The following CCDC149 variants were observed in gnomAD, a reference collection of about 807,000 sequenced individuals.
CCDC149 encodes coiled-coil domain containing 149, also known as coiled-coil domain-containing protein 149.
A neutral mutation model predicts 59.9 loss-of-function variants in CCDC149; 45 were observed. The observed-to-expected ratio is 0.75, with a 90% CI of 0.59 to 0.96. The LOEUF is 0.96. Among genes scored for constraint, CCDC149 ranks in the 40% least tolerant of loss-of-function variants. The pLI, the probability that CCDC149 is intolerant of heterozygous loss-of-function variation, is 0.00. For synonymous variants in CCDC149, 245 were observed against 260.6 expected (o/e 0.94, Z 0.58); for missense variants, 584 against 664.7 (o/e 0.88, Z 1.33).
chr4:24,924,560 G>A (rs548697503), intron 1 of CCDC149, among the ~76,000 whole-genome samples: 15 of 152,154 alleles, frequency 9.9e-5, no homozygotes, highest in Non-Finnish European at 1.9e-4. Context: ...TACTTTGGGA[G>A]GACCCAAAGA....
intron 3 of CCDC149, among the ~76,000 whole-genome samples, chr4:24,867,146 T>A (rs1718752555): frequency 6.6e-6 from 1 of 152,128 alleles, no homozygotes; most frequent in Non-Finnish European, 1.5e-5. Flanking sequence ...CAGGAAAAAT[T>A]AAAAATATCC....
At chr4:24,856,503 C>T (rs1237619030) in intron 3 of CCDC149, among the ~76,000 whole-genome samples, 1 of 152,152 alleles carries the variant, frequency 6.6e-6, no homozygotes, top group Non-Finnish European at 1.5e-5. Context: ...ACATTTACAT[C>T]AAGACTTGAA....
At chr4:24,942,734 G>A (rs1722987436) in intron 1 of CCDC149, among the ~76,000 whole-genome samples, 3 of 152,264 alleles carry the variant, frequency 2.0e-5, no homozygotes, top group Admixed American at 6.5e-5. Context: ...AAAATCAAAA[G>A]CATTCTTATA....
chr4:24,956,807 C>A (rs1233580917), intron 1 of CCDC149, among the ~76,000 whole-genome samples: 1 of 152,208 alleles, frequency 6.6e-6, no homozygotes, highest in Non-Finnish European at 1.5e-5. Flanking sequence ...TGGCGGGTCT[C>A]TTTGGGTTCT....
At position 24,839,071 on chromosome 4, in the gene CCDC149, G is replaced by GAA. The variant is rs1407632440; in HGVS notation, c.373-800_373-799insTT. On this transcript the variant is annotated intron_variant, in intron 4 of 12. Transcript: ENST00000635206. ...ACACACACACACACACAGAGAGAGA[G>GAA]AGAGAAAGAGAGAGAGAGAAAGAGA... 2.3e-4 allele frequency among the ~76,000 whole-genome samples: 35 copies of GAA among 149,010 alleles called. 1 individual carries two copies. The highest frequency in any genetic ancestry group is 3.4e-3 in the Middle Eastern group (1 of 294).
chr4:24,825,049 A>C (rs1365895474), intron 9 of CCDC149, among the ~76,000 whole-genome samples: 4 of 152,206 alleles, frequency 2.6e-5, no homozygotes, highest in African/African-American at 9.6e-5. Flanking sequence ...ACATTTTAGC[A>C]GCCAGCAGCA....
intron 1 of CCDC149, among the ~76,000 whole-genome samples, chr4:24,939,760 G>C (rs1722899127): frequency 6.6e-6 from 1 of 152,194 alleles, no homozygotes; most frequent in Non-Finnish European, 1.5e-5. Flanking sequence ...ACAAGCCTCA[G>C]TAACCGATGC....
chr4:24,869,002 C>T (rs1006297204), intron 3 of CCDC149, among the ~76,000 whole-genome samples: 19 of 152,226 alleles, frequency 1.2e-4, no homozygotes, highest in Admixed American at 1.1e-3. Flanking sequence ...TCATCTACAG[C>T]AAAATGTCCA....
chr4:24,935,960 T>C (rs181071981), intron 1 of CCDC149, among the ~76,000 whole-genome samples: 5 of 152,210 alleles, frequency 3.3e-5, no homozygotes, highest in Admixed American at 6.5e-5. Flanking sequence ...GGTCAGTGAG[T>C]AAGCAGAAGT....
intron 4 of CCDC149, among the ~76,000 whole-genome samples, chr4:24,849,414 G>C (rs1717515844): frequency 6.6e-6 from 1 of 152,220 alleles, no homozygotes; most frequent in Non-Finnish European, 1.5e-5. Flanking sequence ...TGGCTTGGAA[G>C]TTTGTGTTAG....
intron 1 of CCDC149, among the ~76,000 whole-genome samples, chr4:24,887,698 C>T (rs191976140): frequency 6.6e-6 from 1 of 152,194 alleles, no homozygotes; most frequent in East Asian, 1.9e-4. Context: ...TTTGCTCTGC[C>T]CTGTGATCTC....
intron 1 of CCDC149, among the ~76,000 whole-genome samples, chr4:24,893,613 C>CTTTTTTTTTT (rs3066508): frequency 0.072 from 4,727 of 65,834 alleles, 1,329 homozygotes; most frequent in Non-Finnish European, 0.079. Context: ...AAAATACAGA[C>CTTTTTTTTTT]TTTTTTTTTT....
Position 24,874,263 on chromosome 4 carries a change from TTG to T in CCDC149, c.226-546_226-545del, listed in dbSNP as rs1560230582. ...AGATTTGTTTTTTTTTTTTTTTGTT[TTG>T]TTTTTTTTTGTTTTTTTGCCTTAAA... is the stretch of plus-strand genomic sequence containing the variant. On this transcript the variant is annotated intron_variant, in intron 2 of 12. Coordinates refer to ENST00000635206, the MANE Select transcript of CCDC149 (RefSeq NM_001330643.2). Among the ~76,000 whole-genome samples, 10 of 30,490 alleles carry T rather than the reference TTG, an allele frequency of 3.3e-4. 1 individual carries two copies. Among genetic ancestry groups the T allele is most frequent in the African/African-American group, 9.5e-4 (10 of 10,582 alleles). The allele number at this position is 30,490 out of a possible 152,430, so 20.0% of individuals were successfully genotyped here.
chr4:24,873,664 T>G lies in CCDC149; in HGVS notation c.264+17A>C. 6.3e-7 allele frequency: 1 copy of G among 1,578,776 alleles called. No homozygotes were observed. Among genetic ancestry groups the G allele is most frequent in the Non-Finnish European group, 8.7e-7 (1 of 1,148,612 alleles). On this transcript the variant is annotated intron_variant, in intron 3 of 12. Transcript: ENST00000635206. ...TAGGTATCAATAAAAAAATCTGAGATCAGAAATAAGTCTTACCTGTTTCCT... is the reference window on the plus strand; with the variant it reads ...TAGGTATCAATAAAAAAATCTGAGAGCAGAAATAAGTCTTACCTGTTTCCT...
intron 3 of CCDC149, among the ~76,000 whole-genome samples, chr4:24,863,061 G>A (rs868677619): frequency 1.2e-4 from 18 of 152,314 alleles, no homozygotes; most frequent in African/African-American, 4.1e-4. Flanking sequence ...GGGGGGCTGA[G>A]GCGGGAGGAT....
intron 1 of CCDC149, among the ~76,000 whole-genome samples, chr4:24,884,828 C>T (rs544857155): frequency 6.6e-6 from 1 of 152,264 alleles, no homozygotes; most frequent in Admixed American, 6.5e-5. Flanking sequence ...ATGATCATTA[C>T]TACTATTGTT....
At chr4:24,924,320 G>A (rs1310614887) in intron 1 of CCDC149, among the ~76,000 whole-genome samples, 1 of 151,872 alleles carries the variant, frequency 6.6e-6, no homozygotes, top group Non-Finnish European at 1.5e-5. Context: ...ACCAAATGAG[G>A]TCCATGACTT....
intron 12 of CCDC149, among the ~76,000 whole-genome samples, chr4:24,816,388 C>CT (rs1004635209): frequency 2.6e-5 from 4 of 151,456 alleles, no homozygotes; most frequent in East Asian, 1.9e-4. Flanking sequence ...CACCCTTAGA[C>CT]TTTTTTTTTA....
intron 1 of CCDC149, among the ~76,000 whole-genome samples, chr4:24,938,423 G>A (rs763702942): frequency 5.3e-5 from 8 of 152,186 alleles, no homozygotes; most frequent in Non-Finnish European, 1.2e-4. Context: ...GGGGGATGGA[G>A]CCAAGATAGC....
Sources: allele counts gnomAD v4.1 joint callset (sites outside exome capture counted in the v4.1 genomes callset), GRCh38; gene constraint gnomAD v4.1.1; transcripts MANE v1.5; gene names NCBI Gene and HGNC (gene_info 2026-07-23, HGNC 2026-07-21).